The following KCNH1 variants were observed in gnomAD, a reference collection of about 807,000 sequenced individuals.
KCNH1 encodes the protein voltage-gated delayed rectifier potassium channel KCNH1.
In KCNH1, 27 loss-of-function variants were observed where a neutral mutation model predicts 69.2. That is an observed-to-expected ratio of 0.39 (90% CI 0.29 to 0.54). KCNH1 has a LOEUF of 0.54. KCNH1 is among the 20% of genes least tolerant of loss of function. The pLI is 0.68. For missense variants in KCNH1, 798 were observed against 1,261.6 expected (o/e 0.63, Z 5.57); for synonymous variants, 456 against 487.7 (o/e 0.93, Z 0.86).
chr1:211,038,392 T>C (rs1192660242), intron 5 of KCNH1, among the ~76,000 whole-genome samples: 1 of 152,200 alleles, frequency 6.6e-6, no homozygotes, highest in Non-Finnish European at 1.5e-5. Flanking sequence ...ATCAGCAGCA[T>C]GAAAACGGAC....
intron 6 of KCNH1, among the ~76,000 whole-genome samples, chr1:211,017,867 G>A (rs1206000845): frequency 1.3e-5 from 2 of 152,136 alleles, no homozygotes; most frequent in Non-Finnish European, 2.9e-5. Context: ...ACCTCATGTT[G>A]AAATTTGAGT....
chr1:211,047,351 A>G (rs1690111337), intron 5 of KCNH1, among the ~76,000 whole-genome samples: 2 of 152,234 alleles, frequency 1.3e-5, no homozygotes, highest in South Asian at 4.1e-4. Context: ...ATGAAGTAAA[A>G]AATGTGAACG....
At chr1:210,806,836 A>AAAAATATATATATATATATATATATAT in intron 7 of KCNH1, among the ~76,000 whole-genome samples, 1 of 85,652 alleles carries the variant, frequency 1.2e-5, no homozygotes, top group Admixed American at 1.3e-4. Context: ...AAAAAAAAAA[A>AAAAATATATATATATATATATATATAT]ATATATATAT....
At chr1:210,929,222 C>T (rs187873617) in intron 6 of KCNH1, among the ~76,000 whole-genome samples, 114 of 151,664 alleles carry the variant, frequency 7.5e-4, no homozygotes, top group African/African-American at 2.7e-3. Context: ...AGGACATGAC[C>T]AAAAAAGAAA....
chr1:211,092,827 C>CT (rs34391994), intron 3 of KCNH1, among the ~76,000 whole-genome samples: 36,842 of 145,944 alleles, frequency 0.25, 5,112 homozygotes, highest in Non-Finnish European at 0.32. Context: ...CAAAAAAAAC[C>CT]TTTTTTTTTT....
rs993514551 is a variant in KCNH1, at chr1:210,919,306, G to A, written c.1462+334C>T. On this transcript the variant is annotated intron_variant, in intron 7 of 10. Transcript: ENST00000271751. This position sits in a 1 kb window ranked among gnomAD's most constrained non-coding sequence, Gnocchi z 4.2. ...GTTTACTAAAGTGCGTATGCAGCAA[G>A]ATCTCATTTTAAGTTTATAAAAATC... The A allele has an allele frequency of 4.8e-6, 1 of 207,334 alleles. No homozygotes were observed. The highest frequency in any genetic ancestry group is 2.3e-5 in the African/African-American group (1 of 43,904). 12.8% of individuals were successfully genotyped at this position (207,334 alleles called of 1,614,324 possible). A position where few individuals can be genotyped will look rare whatever the true frequency, so the allele number is the denominator to read the frequency against.
intron 9 of KCNH1, among the ~76,000 whole-genome samples, chr1:210,780,125 A>G (rs1683948020): frequency 6.6e-6 from 1 of 152,194 alleles, no homozygotes; most frequent in Non-Finnish European, 1.5e-5. Flanking sequence ...GGGACCCTGG[A>G]AGGATCAATA....
At chr1:210,845,551 A>T (rs1205199373) in intron 7 of KCNH1, among the ~76,000 whole-genome samples, 3 of 152,198 alleles carry the variant, frequency 2.0e-5, no homozygotes, top group Non-Finnish European at 2.9e-5. Context: ...AACACTCTCA[A>T]TAAACTAGGT....
intron 7 of KCNH1, among the ~76,000 whole-genome samples, chr1:210,891,779 G>A (rs1686755495): frequency 6.6e-6 from 1 of 152,070 alleles, no homozygotes; most frequent in African/African-American, 2.4e-5. Context: ...GTTTATTGCA[G>A]CACTATTCAC....
intron 6 of KCNH1, among the ~76,000 whole-genome samples, chr1:210,981,944 G>A (rs1688718136): frequency 6.6e-6 from 1 of 152,082 alleles, no homozygotes; most frequent in African/African-American, 2.4e-5. Flanking sequence ...TGATGCATAG[G>A]TTGGGGGAAG....
At chr1:210,752,111 G>A (rs1037272173) in intron 10 of KCNH1, among the ~76,000 whole-genome samples, 1 of 152,180 alleles carries the variant, frequency 6.6e-6, no homozygotes, top group South Asian at 2.1e-4. Flanking sequence ...TCAGGCAAAA[G>A]AATGAAGATA....
intron 7 of KCNH1, among the ~76,000 whole-genome samples, chr1:210,916,885 C>T (rs908170471): frequency 4.6e-5 from 7 of 152,134 alleles, no homozygotes; most frequent in South Asian, 4.2e-4. Flanking sequence ...CAGTGGCTCA[C>T]GCATGTAATC....
chr1:211,062,838 A>G (rs371422950), intron 5 of KCNH1, among the ~76,000 whole-genome samples: 1 of 152,238 alleles, frequency 6.6e-6, no homozygotes, highest in Non-Finnish European at 1.5e-5. Flanking sequence ...AGGAAAGGGA[A>G]TCCTCATAAA....
intron 7 of KCNH1, among the ~76,000 whole-genome samples, chr1:210,876,801 C>T (rs1215503598): frequency 6.6e-6 from 1 of 152,114 alleles, no homozygotes; most frequent in Non-Finnish European, 1.5e-5. Context: ...ATCTAGTTTT[C>T]TCATGGAAAC....
At chr1:210,826,635 G>C (rs970360752) in intron 7 of KCNH1, among the ~76,000 whole-genome samples, 7 of 152,122 alleles carry the variant, frequency 4.6e-5, no homozygotes, top group Non-Finnish European at 7.4e-5. Context: ...GCAACCCCCA[G>C]TTCAGCCTTC....
At position 210,919,618 on chromosome 1, in the gene KCNH1, A is replaced by T. The variant is rs1478885256; in HGVS notation, c.1462+22T>A. The T allele has an allele frequency of 2.5e-6, 4 of 1,594,126 alleles. No individual in the cohort carries two copies. ...GCTAACAGAAGAGATGGCCAACCCC[A>T]CCCCAGCACTGTCATACTTACAGCC... On this transcript the variant is annotated intron_variant, in intron 7 of 10. Coordinates refer to ENST00000271751, the MANE Select transcript of KCNH1 (RefSeq NM_172362.3). This position sits in a 1 kb window ranked among gnomAD's most constrained non-coding sequence, Gnocchi z 4.2.
Position 210,682,186 on chromosome 1 carries a change from TAGAG to T in KCNH1, c.*1091_*1094del, listed in dbSNP as rs991038208. 1.6e-4 allele frequency: 24 copies of T among 152,270 alleles called. No individual in the cohort carries two copies. The highest frequency in any genetic ancestry group is 5.5e-4 in the African/African-American group (23 of 41,568). The allele number at this position is 152,270 out of a possible 1,614,324, so 9.4% of individuals were successfully genotyped here. A position where few individuals can be genotyped will look rare whatever the true frequency, so the allele number is the denominator to read the frequency against. On this transcript the variant is annotated 3_prime_UTR_variant, in exon 11 of 11. Coordinates refer to ENST00000271751, the MANE Select transcript of KCNH1 (RefSeq NM_172362.3). ...AAATCCTACTGACTTTAATAGGAAA[TAGAG>T]AGACTGGCTTTAAAATAAGGCCCAG...
intron 10 of KCNH1, among the ~76,000 whole-genome samples, chr1:210,690,212 G>A (rs1017164970): frequency 4.8e-4 from 73 of 150,694 alleles, no homozygotes; most frequent in African/African-American, 1.7e-3. Context: ...ACAAAAAGCT[G>A]TCTAGAGTTG....
chr1:210,819,820 A>G (rs1558482966), intron 7 of KCNH1, among the ~76,000 whole-genome samples: 1 of 152,246 alleles, frequency 6.6e-6, no homozygotes, highest in African/African-American at 2.4e-5. Context: ...AACAGTGCTT[A>G]GGAAAAAATA....
Sources: allele counts gnomAD v4.1 joint callset (sites outside exome capture counted in the v4.1 genomes callset), GRCh38; gene constraint gnomAD v4.1.1; non-coding constraint Gnocchi (gnomAD v3.1); transcripts MANE v1.5; gene names NCBI Gene and HGNC (gene_info 2026-07-23, HGNC 2026-07-21).